SYT17: variants seen among roughly 807,000 people sequenced by gnomAD.
SYT17 encodes the protein synaptotagmin-17.
SYT17 carries 22 observed loss-of-function variants against 46.7 expected under a neutral mutation model. The observed-to-expected ratio is 0.47, with a 90% CI of 0.34 to 0.67. The LOEUF (loss-of-function observed/expected upper bound fraction) is 0.67. Ranked by LOEUF, SYT17 falls within the 30% of genes least tolerant of loss-of-function variation. The probability of loss-of-function intolerance (pLI) is 0.01; values close to 1 mark genes in which losing one functional copy is unlikely to be tolerated. For synonymous variants in SYT17, 251 were observed against 248.4 expected, an observed-to-expected ratio of 1.01 and a Z score of -0.10; for missense variants, 519 against 612.8, an observed-to-expected ratio of 0.85 and a Z score of 1.62.
chr16:19,253,238 T>C (rs565044760), intron 7 of SYT17, among the ~76,000 whole-genome samples: 1 of 152,236 alleles, frequency 6.6e-6, no homozygotes, highest in Non-Finnish European at 1.5e-5. Context: ...AAGCCTAAAA[T>C]ATTTACTCTC....
At chr16:19,205,059 G>A (rs1306941842) in intron 5 of SYT17, among the ~76,000 whole-genome samples, 4 of 152,130 alleles carry the variant, frequency 2.6e-5, no homozygotes, top group South Asian at 2.1e-4. Context: ...GTGTTAGGAC[G>A]CCCCTCATGG....
intron 5 of SYT17, among the ~76,000 whole-genome samples, chr16:19,213,457 G>A (rs981416600): frequency 1.3e-5 from 2 of 152,212 alleles, no homozygotes; most frequent in Non-Finnish European, 2.9e-5. Flanking sequence ...ATAAGGACCA[G>A]TGGAAGAGTT....
rs146673931 is a variant in SYT17, at chr16:19,183,577, C to T, written c.381C>T (p.Ile127=). 2.0e-3 allele frequency: 3,232 copies of T among 1,614,206 alleles called. 9 individuals are homozygous for T. The highest frequency in any genetic ancestry group is 2.5e-3 in the Non-Finnish European group (2,935 of 1,180,036). The stretch of plus-strand genomic sequence containing the variant: ...CTCCACTCATCGATATTAAACCCAT[C>T]GAGTTTGGCGTTCTCAGCGCCAAGA... The part of the protein sequence containing the change: ...PSSPLIDIKP[I]EFGVLSAKKE... Residue 127 remains isoleucine (I), a synonymous_variant, in exon 5 of 8, where the codon ATC becomes ATT. Coordinates refer to ENST00000355377, the MANE Select transcript of SYT17 (RefSeq NM_016524.4). This position sits in a 1 kb window ranked among gnomAD's most constrained non-coding sequence, Gnocchi z 5.6.
intron 6 of SYT17, 46 bp downstream of exon 6, chr16:19,223,211 T>A: frequency 1.3e-6 from 2 of 1,598,052 alleles, no homozygotes; most frequent in Non-Finnish European, 1.7e-6. Context: ...ATGGGGCATC[T>A]GTGTTTGTGT....
At chr16:19,222,896 T>C (rs1966374222) in intron 5 of SYT17, 149 bp from the exon 6 acceptor site, 1 of 975,768 alleles carries the variant, frequency 1.0e-6, no homozygotes, top group East Asian at 2.5e-5. Flanking sequence ...GAGGCAGAGA[T>C]GAAAAGAAGT....
Position 19,199,804 on chromosome 16 carries a change from A to C in SYT17, c.951+15657A>C, listed in dbSNP as rs954865910. Reference sequence around the variant, plus strand: ...TATGAATGAGAAAACTAATGGGGCTATAAGAAAAACGTCTTTACATTTCAA... The same window carrying C: ...TATGAATGAGAAAACTAATGGGGCTCTAAGAAAAACGTCTTTACATTTCAA... On this transcript the variant is annotated intron_variant, in intron 5 of 7. Coordinates refer to ENST00000355377, the MANE Select transcript of SYT17 (RefSeq NM_016524.4). Among the ~76,000 whole-genome samples the C allele has an allele frequency of 3.9e-5, 6 of 152,344 alleles. No individual in the cohort carries two copies. The East Asian group carries it at 1.2e-3, about 29-fold the overall frequency.
At chr16:19,260,614 C>T (rs991869461) in intron 7 of SYT17, among the ~76,000 whole-genome samples, 4 of 151,894 alleles carry the variant, frequency 2.6e-5, no homozygotes, top group African/African-American at 7.3e-5. Context: ...CCCTTCCCAC[C>T]ACAGCCTGAA....
intron 5 of SYT17, among the ~76,000 whole-genome samples, chr16:19,209,323 G>A (rs1404923861): frequency 2.7e-4 from 41 of 152,200 alleles, no homozygotes; most frequent in Non-Finnish European, 8.8e-5. Flanking sequence ...AAATTAATAA[G>A]AGAAAGACAA....
Position 19,168,422 on chromosome 16 carries a change from G to T in SYT17, c.-225G>T. ...CCTGGGCGCCCGATATCTCCGAACC[G>T]GGGAGGCGGCCCCGATTCCGAGAGC... On this transcript the variant is annotated 5_prime_UTR_variant, in exon 1 of 8. Transcript: ENST00000355377. This position sits in a 1 kb window ranked among gnomAD's most constrained non-coding sequence, Gnocchi z 6.9. The T allele has an allele frequency of 1.7e-6, 1 of 603,398 alleles. No homozygotes were observed. Among genetic ancestry groups the T allele is most frequent in the Non-Finnish European group, 2.8e-6 (1 of 353,686 alleles). 37.4% of individuals were successfully genotyped at this position (603,398 alleles called of 1,614,324 possible).
Position 19,231,818 on chromosome 16 carries a change from C to T in SYT17, c.1228+6980C>T, listed in dbSNP as rs570999057. On this transcript the variant is annotated intron_variant, in intron 7 of 7. Coordinates refer to ENST00000355377, the MANE Select transcript of SYT17 (RefSeq NM_016524.4). Reference sequence around the variant, plus strand: ...TATTCGACAGAGAACCAGACATTCACGGCCTGTGTTCTCATGGAGCTTAAT... The same window carrying T: ...TATTCGACAGAGAACCAGACATTCATGGCCTGTGTTCTCATGGAGCTTAAT... 4.6e-5 allele frequency among the ~76,000 whole-genome samples: 7 copies of T among 152,176 alleles called. No homozygotes were observed. The East Asian group carries it at 5.8e-4, about 13-fold the overall frequency.
chr16:19,180,186 AT>A (rs1442435877), intron 3 of SYT17: 1 of 555,774 alleles, frequency 1.8e-6, no homozygotes, highest in Non-Finnish European at 3.2e-6. Flanking sequence ...ATTGGGGAAT[AT>A]TTCTTCATAT....
At chr16:19,262,566 T>G (rs1388840596) in intron 7 of SYT17, among the ~76,000 whole-genome samples, 1 of 152,232 alleles carries the variant, frequency 6.6e-6, no homozygotes, top group Admixed American at 6.5e-5. Flanking sequence ...AAGCTTCCAG[T>G]TGTTCTCCTC....
chr16:19,191,853 C>T (rs948448092), intron 5 of SYT17, among the ~76,000 whole-genome samples: 1 of 152,036 alleles, frequency 6.6e-6, no homozygotes, highest in East Asian at 1.9e-4. Flanking sequence ...GGCATGATCT[C>T]GGCTCACTGC....
chr16:19,220,307 T>TTTTTTTC, intron 5 of SYT17, among the ~76,000 whole-genome samples: 1 of 47,774 alleles, frequency 2.1e-5, no homozygotes. Context: ...TTCTTTCTTT[T>TTTTTTTC]TTTTTTTTTT....
intron 1 of SYT17, among the ~76,000 whole-genome samples, chr16:19,169,145 G>T (rs1252311816): frequency 6.6e-6 from 1 of 152,136 alleles, no homozygotes; most frequent in East Asian, 1.9e-4. Flanking sequence ...ACTGGGTGCT[G>T]AGGGGTGGGG....
At chr16:19,232,340 C>A (rs756188485) in intron 7 of SYT17, among the ~76,000 whole-genome samples, 1 of 152,138 alleles carries the variant, frequency 6.6e-6, no homozygotes, top group African/African-American at 2.4e-5. Context: ...CATGCATCTG[C>A]GTCGCCCAGG....
At chr16:19,257,755 A>C (rs940554902) in intron 7 of SYT17, among the ~76,000 whole-genome samples, 2 of 152,104 alleles carry the variant, frequency 1.3e-5, no homozygotes, top group Non-Finnish European at 2.9e-5. Context: ...CCAGCATCAA[A>C]GAGGTAGATC....
At chr16:19,253,284 G>A (rs961142833) in intron 7 of SYT17, among the ~76,000 whole-genome samples, 3 of 152,164 alleles carry the variant, frequency 2.0e-5, no homozygotes, top group African/African-American at 7.2e-5. Flanking sequence ...GGCCTGGTAT[G>A]GTGGCTCATG....
intron 5 of SYT17, among the ~76,000 whole-genome samples, chr16:19,215,002 G>A (rs927670540): frequency 4.6e-5 from 7 of 152,046 alleles, no homozygotes; most frequent in African/African-American, 7.2e-5. Flanking sequence ...TGGCCAGACT[G>A]ATCTCGAACT....
Sources: gnomAD v4.1 joint callset for allele counts (sites outside exome capture counted in the v4.1 genomes callset) on GRCh38, gnomAD v4.1.1 for gene constraint, Gnocchi (gnomAD v3.1) non-coding constraint, MANE v1.5 for transcripts, NCBI Gene and HGNC (gene_info 2026-07-23, HGNC 2026-07-21) for gene names.